Variants in PLEKHG7 observed in about 807,000 individuals in gnomAD.
The protein encoded by PLEKHG7 is pleckstrin homology and RhoGEF domain containing G7.
A neutral mutation model predicts 85.2 loss-of-function variants in PLEKHG7; 77 were observed. That is an observed-to-expected ratio of 0.90 (90% CI 0.75 to 1.09). PLEKHG7 has a LOEUF of 1.09. Among genes scored for constraint, PLEKHG7 ranks in the 50% least tolerant of loss-of-function variants. The probability of loss-of-function intolerance (pLI) is 0.00; values close to 1 mark genes in which losing one functional copy is unlikely to be tolerated. For synonymous variants in PLEKHG7, 301 were observed against 302.4 expected (o/e 1.00, Z 0.05); for missense variants, 777 against 804.3 (o/e 0.97, Z 0.41).
intron 3 of PLEKHG7, among the ~76,000 whole-genome samples, chr12:92,715,018 G>GGATAGATAGACA (rs1051401355): frequency 9.5e-5 from 14 of 147,538 alleles, no homozygotes; most frequent in African/African-American, 3.5e-4. Context: ...AGAACTAATG[G>GGATAGATAGACA]GATAGATAGA....
At chr12:92,757,189 G>A (rs1872859638) in intron 13 of PLEKHG7, among the ~76,000 whole-genome samples, 1 of 152,220 alleles carries the variant, frequency 6.6e-6, no homozygotes, top group Non-Finnish European at 1.5e-5. Flanking sequence ...GATCTCCTGT[G>A]CTTCAGTTTA....
At chr12:92,752,369 G>T (rs894353995) in intron 10 of PLEKHG7, among the ~76,000 whole-genome samples, 1 of 152,198 alleles carries the variant, frequency 6.6e-6, no homozygotes, top group African/African-American at 2.4e-5. Flanking sequence ...GTTCCATGTT[G>T]TTCAGGGAAG....
intron 3 of PLEKHG7, among the ~76,000 whole-genome samples, chr12:92,714,571 A>T (rs769232474): frequency 6.6e-6 from 1 of 152,192 alleles, no homozygotes; most frequent in Non-Finnish European, 1.5e-5. Context: ...ACTGTCACTC[A>T]GGGCAATCTT....
At chr12:92,749,391 A>G (rs2136615050) in intron 10 of PLEKHG7, among the ~76,000 whole-genome samples, 2 of 152,244 alleles carry the variant, frequency 1.3e-5, no homozygotes, top group South Asian at 4.1e-4. Context: ...TCCTGGGCTC[A>G]GGTGACCCTC....
At chr12:92,748,528 G>A (rs559226534) in intron 10 of PLEKHG7, among the ~76,000 whole-genome samples, 3 of 151,870 alleles carry the variant, frequency 2.0e-5, no homozygotes, top group East Asian at 1.9e-4. Flanking sequence ...GATTACAGAC[G>A]TGAGCCACCG....
At chr12:92,716,517 A>G (rs1166057388) in intron 3 of PLEKHG7, among the ~76,000 whole-genome samples, 1 of 152,216 alleles carries the variant, frequency 6.6e-6, no homozygotes, top group Non-Finnish European at 1.5e-5. Flanking sequence ...TCTTCCTGCC[A>G]TTCCCTCTCT....
In PLEKHG7 at chr12:92,743,001, G is replaced by A. The variant is rs139661448; in HGVS notation, c.1137+1409G>A. 4.4e-4 allele frequency among the ~76,000 whole-genome samples: 67 copies of A among 152,208 alleles called. No homozygotes were observed. The East Asian group carries it at 0.011, about 25-fold the overall frequency. ...ATAAACCCACATATGAATGCCCCAC[G>A]CTATGCTACAGATGTGCAATGATGG... On this transcript the variant is annotated intron_variant, in intron 9 of 16. Transcript: ENST00000344636.
intron 3 of PLEKHG7, among the ~76,000 whole-genome samples, chr12:92,726,470 G>A (rs1871818355): frequency 6.6e-6 from 1 of 152,170 alleles, no homozygotes; most frequent in Non-Finnish European, 1.5e-5. Flanking sequence ...TGAAAATATA[G>A]AGATTACATT....
chr12:92,767,680 G>A (rs1313449542), intron 15 of PLEKHG7, among the ~76,000 whole-genome samples: 2 of 152,120 alleles, frequency 1.3e-5, no homozygotes, highest in African/African-American at 2.4e-5. Flanking sequence ...TTGCAGTTAA[G>A]AAAATAAGTA....
At chr12:92,717,678 T>G (rs1871527634) in intron 3 of PLEKHG7, among the ~76,000 whole-genome samples, 1 of 152,216 alleles carries the variant, frequency 6.6e-6, no homozygotes, top group Admixed American at 6.5e-5. Context: ...CATTATTCAG[T>G]ACCATAACAC....
At chr12:92,762,914 G>T (rs2136631698) in intron 14 of PLEKHG7, among the ~76,000 whole-genome samples, 1 of 152,176 alleles carries the variant, frequency 6.6e-6, no homozygotes, top group Middle Eastern at 3.4e-3. Context: ...GAGGGAATGG[G>T]TGTACGAGAA....
chr12:92,753,226 A>C (rs146308195), intron 10 of PLEKHG7, among the ~76,000 whole-genome samples: 6 of 152,094 alleles, frequency 3.9e-5, no homozygotes, highest in Admixed American at 6.5e-5. Context: ...ACACACCCCT[A>C]TACTCCTTCC....
In PLEKHG7 at chr12:92,753,687, C is replaced by T. The variant is rs184100927; in HGVS notation, c.1252-403C>T. Among the ~76,000 whole-genome samples the T allele has an allele frequency of 7.9e-5, 12 of 152,312 alleles. 1 individual carries two copies. The East Asian group carries it at 2.3e-3, about 29-fold the overall frequency. On this transcript the variant is annotated intron_variant, in intron 10 of 16. Transcript: ENST00000344636. ...TCCCCAACTAAGAGGAGTCAAGGAA[C>T]TGACCCAACAAGCAAGAATCCTTCC...
rs1400320913 is a variant in PLEKHG7 at position 92,771,511 on chromosome 12, G to A, written c.*1316G>A. The A allele has an allele frequency of 2.0e-5, 3 of 152,038 alleles. No individual in the cohort carries two copies. Among genetic ancestry groups the A allele is most frequent in the Non-Finnish European group, 2.9e-5 (2 of 67,952 alleles). 9.4% of individuals were successfully genotyped at this position (152,038 alleles called of 1,614,324 possible). A position where few individuals can be genotyped will look rare whatever the true frequency, so the allele number is the denominator to read the frequency against. ...GAAAAAAAGGAAAATCTGGAGGACA[G>A]TAACTATTGTTAATAGCTAAGAATA... On this transcript the variant is annotated 3_prime_UTR_variant, in exon 17 of 17. Coordinates refer to ENST00000344636, the MANE Select transcript of PLEKHG7 (RefSeq NM_001377329.1).
intron 10 of PLEKHG7, among the ~76,000 whole-genome samples, chr12:92,747,394 A>T (rs879836749): frequency 2.0e-5 from 3 of 152,028 alleles, no homozygotes; most frequent in African/African-American, 2.4e-5. Context: ...CTATTTAAAA[A>T]GATAAAATAA....
intron 11 of PLEKHG7, 109 bp downstream of exon 11, chr12:92,754,373 G>C: frequency 9.2e-7 from 1 of 1,087,476 alleles, no homozygotes; most frequent in Non-Finnish European, 1.3e-6. Flanking sequence ...TGAGGTCATG[G>C]CTCTTGGAAA....
chr12:92,735,884 A>G (rs1430143329), intron 5 of PLEKHG7, among the ~76,000 whole-genome samples: 1 of 152,176 alleles, frequency 6.6e-6, no homozygotes, highest in African/African-American at 2.4e-5. Context: ...TACAATAAAC[A>G]TATTATCTTA....
At chr12:92,726,593 G>A (rs1871824184) in intron 3 of PLEKHG7, among the ~76,000 whole-genome samples, 3 of 152,232 alleles carry the variant, frequency 2.0e-5, no homozygotes. Context: ...TATTAGGCAG[G>A]TCCCCAGCAC....
intron 3 of PLEKHG7, among the ~76,000 whole-genome samples, chr12:92,726,170 T>C (rs149219648): frequency 6.6e-6 from 1 of 152,194 alleles, no homozygotes; most frequent in African/African-American, 2.4e-5. Flanking sequence ...ATATAGAATG[T>C]CAGAACCATG....
Sources: allele counts gnomAD v4.1 joint callset (sites outside exome capture counted in the v4.1 genomes callset), GRCh38; gene constraint gnomAD v4.1.1; transcripts MANE v1.5; gene names NCBI Gene and HGNC (gene_info 2026-07-23, HGNC 2026-07-21).